The following DHX40 variants were observed in gnomAD, a reference collection of about 807,000 sequenced individuals.
DHX40 encodes the protein probable ATP-dependent RNA helicase DHX40.
Under a neutral mutation model 89.6 loss-of-function variants are expected in DHX40, and 28 were observed. That is an observed-to-expected ratio of 0.31 (90% CI 0.23 to 0.43). DHX40 has a LOEUF of 0.43. DHX40 is among the 20% of genes least tolerant of loss of function. The probability of loss-of-function intolerance (pLI) is 1.00; values close to 1 mark genes in which losing one functional copy is unlikely to be tolerated. For missense variants in DHX40, 457 were observed against 844.0 expected (o/e 0.54, Z 5.68); for synonymous variants, 226 against 283.6 (o/e 0.80, Z 2.04).
intron 12 of DHX40, among the ~76,000 whole-genome samples, chr17:59,595,427 C>T (rs1344532071): frequency 3.3e-5 from 5 of 151,966 alleles, no homozygotes; most frequent in African/African-American, 1.2e-4. Flanking sequence ...AGATTTGTGA[C>T]ACTTTGAAAA....
Position 59,575,404 on chromosome 17 carries a change from T to G in DHX40, c.906T>G (p.Asp302Glu), listed in dbSNP as rs759414152. The change falls in exon 7 of 18, where the codon GAT (aspartate) becomes GAG (glutamate). Residue 302 changes from aspartate to glutamate, a missense_variant. By Grantham distance (45) the Asp-to-Glu change is conservative. Transcript: ENST00000251241. ...LFQMAESVDY[D>E]YDVQDTTLDG... ...AGATGGCAGAGTCTGTTGATTATGA[T>G]TATGATGTTCAAGATACCACCCTCG... is the stretch of plus-strand genomic sequence containing the variant. 1 of 1,612,488 alleles carries G rather than the reference T, an allele frequency of 6.2e-7. No individual in the cohort carries two copies. Among genetic ancestry groups the G allele is most frequent in the South Asian group, 1.1e-5 (1 of 90,490 alleles).
chr17:59,566,036 C>G (rs1008706985), intron 1 of DHX40, among the ~76,000 whole-genome samples: 7 of 152,162 alleles, frequency 4.6e-5, no homozygotes, highest in Admixed American at 6.5e-5. Flanking sequence ...GAAATGCATT[C>G]TGTTCTTAAA....
chr17:59,607,413 G>A lies in DHX40; in HGVS notation c.*241G>A. ...TGATACATGAAACCAATGAAAGACA[G>A]TACATGTAATAATATTTTCCTCAGT... is the stretch of plus-strand genomic sequence containing the variant. On this transcript the variant is annotated 3_prime_UTR_variant, in exon 18 of 18. Transcript: ENST00000251241. The A allele has an allele frequency of 1.4e-6, 1 of 704,680 alleles. No homozygotes were observed. The allele number at this position is 704,680 out of a possible 1,614,324, so 43.7% of individuals were successfully genotyped here.
intron 11 of DHX40, among the ~76,000 whole-genome samples, chr17:59,587,165 A>T (rs550735109): frequency 6.6e-6 from 1 of 151,806 alleles, no homozygotes; most frequent in Non-Finnish European, 1.5e-5. Flanking sequence ...CCAAAAAAAA[A>T]AAAACGGTAA....
At chr17:59,601,379 C>T (rs187569848) in intron 14 of DHX40, among the ~76,000 whole-genome samples, 2 of 152,174 alleles carry the variant, frequency 1.3e-5, no homozygotes, top group Non-Finnish European at 2.9e-5. Flanking sequence ...TATAATTTCT[C>T]TGTTTCGTTA....
chr17:59,605,962 ATC>A (rs906467810), intron 17 of DHX40, among the ~76,000 whole-genome samples: 1 of 151,718 alleles, frequency 6.6e-6, no homozygotes, highest in African/African-American at 2.4e-5. Flanking sequence ...GTGAGACACT[ATC>A]TCTAAAAAAA....
intron 11 of DHX40, 101 bp from the exon 12 acceptor site, chr17:59,587,795 T>G: frequency 6.6e-7 from 1 of 1,510,942 alleles, no homozygotes; most frequent in East Asian, 2.3e-5. Flanking sequence ...TGGAGGTGAT[T>G]GGAGGTAACG....
At chr17:59,565,813 G>A in intron 1 of DHX40, 30 bp downstream of exon 1, 1 of 1,566,668 alleles carries the variant, frequency 6.4e-7, no homozygotes, top group African/African-American at 1.4e-5. Flanking sequence ...ACGGAAGCCA[G>A]CGGGAGTTAC....
Position 59,575,322 on chromosome 17 carries a change from T to G in DHX40, c.842-18T>G, listed in dbSNP as rs1206150002. 6.5e-6 allele frequency: 10 copies of G among 1,535,372 alleles called. No homozygotes were observed. Among genetic ancestry groups the G allele is most frequent in the Non-Finnish European group, 7.0e-6 (8 of 1,139,110 alleles). On this transcript the variant is annotated intron_variant, in intron 6 of 17. Transcript: ENST00000251241. ...TTTCTGTTCAGTTGCTGAAGTTATT[T>G]TTTTCTTCCCATTTTAGGCCAGTTT...
At chr17:59,585,477 C>G (rs1030202919) in intron 10 of DHX40, among the ~76,000 whole-genome samples, 2 of 151,052 alleles carry the variant, frequency 1.3e-5, no homozygotes, top group African/African-American at 4.9e-5. Flanking sequence ...AATCCTAGCA[C>G]TTTGGGAGGC....
At chr17:59,591,143 T>C (rs2049076120) in intron 12 of DHX40, among the ~76,000 whole-genome samples, 1 of 151,616 alleles carries the variant, frequency 6.6e-6, no homozygotes, top group Non-Finnish European at 1.5e-5. Flanking sequence ...ACCCTGTCTC[T>C]ACTAAAAATA....
At chr17:59,590,831 C>G (rs1454343234) in intron 12 of DHX40, among the ~76,000 whole-genome samples, 1 of 151,464 alleles carries the variant, frequency 6.6e-6, no homozygotes, top group Non-Finnish European at 1.5e-5. Flanking sequence ...ATTTTTTGTT[C>G]TAATAAAATG....
chr17:59,595,095 T>G lies in DHX40; in HGVS notation c.1583-3642T>G, dbSNP rs550310387. 2.6e-4 allele frequency among the ~76,000 whole-genome samples: 39 copies of G among 152,128 alleles called. 1 individual carries two copies. Among genetic ancestry groups the G allele is most frequent in the South Asian group, 6.2e-4 (3 of 4,826 alleles). On this transcript the variant is annotated intron_variant, in intron 12 of 17. Transcript: ENST00000251241. ...GTAGATTTTTTGTTTTTTGTTTTTTTTTTTTGAGACAGAATTTTGCTCTTG... is the reference window on the plus strand; with the variant it reads ...GTAGATTTTTTGTTTTTTGTTTTTTGTTTTTGAGACAGAATTTTGCTCTTG...
intron 4 of DHX40, 61 bp downstream of exon 4, chr17:59,573,296 T>C (rs1479636548): frequency 8.2e-6 from 12 of 1,469,424 alleles, no homozygotes; most frequent in Non-Finnish European, 1.1e-5. Context: ...GGTAGCTTTT[T>C]ATTGTGTAGA....
chr17:59,602,676 TG>T, intron 15 of DHX40, 60 bp downstream of exon 15: 1 of 1,355,570 alleles, frequency 7.4e-7, no homozygotes, highest in Non-Finnish European at 1.0e-6. Flanking sequence ...ACTATAATAT[TG>T]GACTATTTAA....
At chr17:59,598,394 T>G (rs1263413178) in intron 12 of DHX40, among the ~76,000 whole-genome samples, 2 of 152,034 alleles carry the variant, frequency 1.3e-5, no homozygotes, top group Non-Finnish European at 2.9e-5. Context: ...CATTGAACTT[T>G]TACATGATAT....
intron 3 of DHX40, among the ~76,000 whole-genome samples, chr17:59,571,028 G>T (rs2143211538): frequency 6.6e-6 from 1 of 152,002 alleles, no homozygotes; most frequent in Admixed American, 6.6e-5. Flanking sequence ...TATTTTCTTA[G>T]GATTCTCTTA....
chr17:59,574,329 C>T, intron 6 of DHX40, 75 bp downstream of exon 6: 1 of 312,136 alleles, frequency 3.2e-6, no homozygotes, highest in East Asian at 7.7e-5. Context: ...AGAGTGCTAC[C>T]TCTGTTGGGA....
intron 17 of DHX40, 68 bp downstream of exon 17, chr17:59,605,742 TTTG>T (rs757065540): frequency 2.5e-4 from 371 of 1,455,526 alleles, no homozygotes; most frequent in Non-Finnish European, 3.3e-4. Flanking sequence ...CTTCACTATT[TTTG>T]TTTATAAAAA....
Sources: allele counts gnomAD v4.1 joint callset (sites outside exome capture counted in the v4.1 genomes callset), GRCh38; gene constraint gnomAD v4.1.1; transcripts MANE v1.5; gene names NCBI Gene and HGNC (gene_info 2026-07-23, HGNC 2026-07-21).